ATP2B2: variants seen among roughly 807,000 people sequenced by gnomAD.
ATP2B2 encodes the protein plasma membrane calcium-transporting ATPase 2.
A neutral mutation model predicts 120.0 loss-of-function variants in ATP2B2; 15 were observed. The observed-to-expected ratio is 0.12, with a 90% CI of 0.08 to 0.19. The LOEUF (loss-of-function observed/expected upper bound fraction) is 0.19, where lower values mean the gene tolerates loss of function less well. Among genes scored for constraint, ATP2B2 ranks in the 10% least tolerant of loss-of-function variants. ATP2B2 has a pLI of 1.00. For synonymous variants in ATP2B2, 694 were observed against 700.3 expected (o/e 0.99, Z 0.14); for missense variants, 1,045 against 1,719.8 (o/e 0.61, Z 6.94).
intron 3 of ATP2B2, among the ~76,000 whole-genome samples, chr3:10,514,672 C>A (rs535426944): frequency 6.6e-6 from 1 of 152,222 alleles, no homozygotes; most frequent in South Asian, 2.1e-4. Context: ...CCTGTTAGCC[C>A]CATAAGGAAC....
chr3:10,385,309 G>C lies in ATP2B2; in HGVS notation c.959C>G (p.Ala320Gly), dbSNP rs1225625317. The C allele has an allele frequency of 6.2e-7, 1 of 1,613,930 alleles. No homozygotes were observed. The change falls in exon 8 of 23, where the codon GCT (alanine) becomes GGT (glycine). Residue 320 changes from alanine to glycine, a missense_variant. By Grantham distance (60) the Ala-to-Gly change is moderately conservative. This residue lies in a region of ATP2B2 where 145 missense variants were observed against 202.0 expected (regional missense o/e 0.72). Transcript: ENST00000360273. ...ATTCGCACTATCTGCAGCATTTGAA[G>C]CTGCCGCACCGTCTGCTGCTGCAGG... ...LQLPAADGAA[A>G]SNAADSANAS...
intron 1 of ATP2B2, among the ~76,000 whole-genome samples, chr3:10,484,570 C>T (rs1283908803): frequency 6.6e-6 from 1 of 152,158 alleles, no homozygotes; most frequent in East Asian, 1.9e-4. Flanking sequence ...CCCCAGGCTT[C>T]CCATGCTGCG....
chr3:10,495,405 C>A (rs2066104641), intron 1 of ATP2B2, among the ~76,000 whole-genome samples: 1 of 152,216 alleles, frequency 6.6e-6, no homozygotes, highest in Non-Finnish European at 1.5e-5. Flanking sequence ...GACAAGCCAT[C>A]CCACATCTCT....
chr3:10,440,079 G>A (rs1043419184), intron 2 of ATP2B2, among the ~76,000 whole-genome samples: 12 of 132,286 alleles, frequency 9.1e-5, no homozygotes, highest in African/African-American at 3.2e-4. Flanking sequence ...TCCAGCCTGG[G>A]CAACAGAGTG....
At chr3:10,616,603 T>A (rs1286540330) in intron 2 of ATP2B2, among the ~76,000 whole-genome samples, 1 of 152,134 alleles carries the variant, frequency 6.6e-6, no homozygotes, top group Non-Finnish European at 1.5e-5. Context: ...AATAAAAAAA[T>A]TTGTTTTTGA....
At chr3:10,410,918 T>G in intron 2 of ATP2B2, 103 bp from the exon 3 acceptor site, 1 of 1,417,256 alleles carries the variant, frequency 7.1e-7, no homozygotes, top group Non-Finnish European at 9.8e-7. Context: ...AGAAACTTGC[T>G]GGTGGCTGGC....
chr3:10,704,253 C>G (rs529490474), intron 1 of ATP2B2, among the ~76,000 whole-genome samples: 42 of 152,318 alleles, frequency 2.8e-4, no homozygotes, highest in African/African-American at 9.9e-4. Context: ...CGTCTTAGGA[C>G]TGCCATGAAA....
chr3:10,437,106 T>A (rs1209190725), intron 2 of ATP2B2, among the ~76,000 whole-genome samples: 1 of 152,178 alleles, frequency 6.6e-6, no homozygotes, highest in African/African-American at 2.4e-5. Flanking sequence ...CCCTTTAGTG[T>A]CACATAGAGA....
chr3:10,390,031 T>A (rs959999834), intron 5 of ATP2B2, among the ~76,000 whole-genome samples: 8 of 152,186 alleles, frequency 5.3e-5, no homozygotes, highest in Non-Finnish European at 8.8e-5. Flanking sequence ...ATTTTTTTGC[T>A]ACTCTGGGTA....
Position 10,346,193 on chromosome 3 carries a change from GGCCA to G in ATP2B2, c.2405-60_2405-57del. ...GGCCACTCAGGTGGGAGGCAGCCTG[GGCCA>G]GCCCTGGTCCTCGGGAGGGGCCTGG... On this transcript the variant is annotated intron_variant, in intron 16 of 22. Coordinates refer to ENST00000360273, the MANE Select transcript of ATP2B2 (RefSeq NM_001001331.4). This position sits in a 1 kb window ranked among gnomAD's most constrained non-coding sequence, Gnocchi z 4.1. 1 of 1,562,916 alleles carries G rather than the reference GGCCA, an allele frequency of 6.4e-7. No individual in the cohort carries two copies. The highest frequency in any genetic ancestry group is 8.7e-7 in the Non-Finnish European group (1 of 1,144,926).
chr3:10,625,695 G>A (rs1354232025), intron 1 of ATP2B2, among the ~76,000 whole-genome samples: 5 of 152,150 alleles, frequency 3.3e-5, no homozygotes, highest in Admixed American at 2.0e-4. Flanking sequence ...CTCTGTGGTG[G>A]GAGTGGTGCC....
chr3:10,343,104 G>A lies in ATP2B2; in HGVS notation c.2704-139C>T, dbSNP rs117423005. 535 of 832,920 alleles carry A rather than the reference G, an allele frequency of 6.4e-4. 5 individuals carry two copies. The East Asian group carries it at 9.1e-3, about 14-fold the overall frequency. The allele number at this position is 832,920 out of a possible 1,614,324, so 51.6% of individuals were successfully genotyped here. On this transcript the variant is annotated intron_variant, in intron 18 of 22. Transcript: ENST00000360273. This position sits in a 1 kb window ranked among gnomAD's most constrained non-coding sequence, Gnocchi z 4.2. ...TGCCCCTTGGCTCCCCAGCAGGCAT[G>A]GAGTTGTTCTCTGATGCCTTCTCTG...
intron 2 of ATP2B2, among the ~76,000 whole-genome samples, chr3:10,540,011 C>G (rs894883037): frequency 7.9e-5 from 12 of 152,312 alleles, no homozygotes; most frequent in Admixed American, 6.5e-4. Context: ...AGAACTTAAA[C>G]AAATTTACAA....
intron 21 of ATP2B2, 78 bp from the exon 22 acceptor site, chr3:10,338,436 C>T: frequency 6.8e-7 from 1 of 1,480,696 alleles, no homozygotes; most frequent in Non-Finnish European, 9.4e-7. Flanking sequence ...CGCTCCTCTA[C>T]CTCCCTCCTC....
At chr3:10,377,743 C>T (rs1274210078) in intron 10 of ATP2B2, among the ~76,000 whole-genome samples, 1 of 152,228 alleles carries the variant, frequency 6.6e-6, no homozygotes, top group African/African-American at 2.4e-5. Context: ...CAAACCCATT[C>T]TTGTCTTCCT....
At chr3:10,543,166 A>G (rs954041997) in intron 2 of ATP2B2, among the ~76,000 whole-genome samples, 1 of 152,232 alleles carries the variant, frequency 6.6e-6, no homozygotes, top group African/African-American at 2.4e-5. Context: ...AAATTTAAAA[A>G]ACTTGATGAA....
At chr3:10,641,073 A>G (rs1028570817) in intron 1 of ATP2B2, among the ~76,000 whole-genome samples, 11 of 152,240 alleles carry the variant, frequency 7.2e-5, no homozygotes, top group African/African-American at 2.7e-4. Flanking sequence ...AATTGAACTC[A>G]GGGAAACTAA....
At chr3:10,408,336 G>T (rs1490483428) in intron 3 of ATP2B2, among the ~76,000 whole-genome samples, 2 of 149,244 alleles carry the variant, frequency 1.3e-5, no homozygotes, top group Admixed American at 1.3e-4. Context: ...AGGGTTTTTT[G>T]TTTGTTTGTT....
chr3:10,429,144 C>T (rs523180), intron 2 of ATP2B2, among the ~76,000 whole-genome samples: 39,138 of 152,016 alleles, frequency 0.26, 6,472 homozygotes, highest in East Asian at 0.65. Flanking sequence ...TTGCATCCTC[C>T]GGGTCTCCTC....
Sources: allele counts gnomAD v4.1 joint callset (sites outside exome capture counted in the v4.1 genomes callset), GRCh38; gene constraint gnomAD v4.1.1; regional missense constraint gnomAD v4.1.1; non-coding constraint Gnocchi (gnomAD v3.1); transcripts MANE v1.5; gene names NCBI Gene and HGNC (gene_info 2026-07-23, HGNC 2026-07-21).